AGBL4: variants seen among roughly 807,000 people sequenced by gnomAD.
AGBL4 encodes AGBL carboxypeptidase 4, also known as cytosolic carboxypeptidase 6.
A neutral mutation model predicts 66.4 loss-of-function variants in AGBL4; 58 were observed. The ratio of observed to expected loss-of-function variants is 0.87; its 90% CI spans 0.71 to 1.09. The LOEUF (loss-of-function observed/expected upper bound fraction) is 1.09. Among genes scored for constraint, AGBL4 ranks in the 50% least tolerant of loss-of-function variants. The probability of loss-of-function intolerance (pLI) is 0.00; values close to 1 mark genes in which losing one functional copy is unlikely to be tolerated. For missense variants in AGBL4, 579 were observed against 631.0 expected, an observed-to-expected ratio of 0.92 and a Z score of 0.88; for synonymous variants, 234 against 222.9, an observed-to-expected ratio of 1.05 and a Z score of -0.44.
chr1:48,744,111 A>G (rs1372715391), intron 6 of AGBL4, among the ~76,000 whole-genome samples: 1 of 152,196 alleles, frequency 6.6e-6, no homozygotes, highest in Non-Finnish European at 1.5e-5. Flanking sequence ...TTACAGATAT[A>G]GAACCTGGCA....
At chr1:49,497,501 C>A (rs2148756908) in intron 3 of AGBL4, among the ~76,000 whole-genome samples, 1 of 152,070 alleles carries the variant, frequency 6.6e-6, no homozygotes, top group South Asian at 2.1e-4. Context: ...TTTCTTCTAG[C>A]AGCTTTAAAA....
intron 3 of AGBL4, among the ~76,000 whole-genome samples, chr1:49,506,310 T>A (rs563548294): frequency 1.3e-5 from 2 of 152,036 alleles, no homozygotes; most frequent in African/African-American, 2.4e-5. Context: ...ATGTAACATA[T>A]AATAATAGCA....
chr1:48,717,467 AT>A (rs1030428520), intron 6 of AGBL4, among the ~76,000 whole-genome samples: 2 of 152,016 alleles, frequency 1.3e-5, no homozygotes, highest in African/African-American at 2.4e-5. Context: ...CCTCTAGTTC[AT>A]TTTTTTTGTT....
intron 4 of AGBL4, among the ~76,000 whole-genome samples, chr1:49,225,096 T>C (rs1346462341): frequency 2.6e-5 from 4 of 152,194 alleles, no homozygotes; most frequent in Non-Finnish European, 5.9e-5. Flanking sequence ...GTAAGACTCA[T>C]TATTGACTCC....
chr1:49,715,135 G>C (rs2124671049), intron 2 of AGBL4, among the ~76,000 whole-genome samples: 1 of 152,034 alleles, frequency 6.6e-6, no homozygotes, highest in South Asian at 2.1e-4. Flanking sequence ...GCCCCAACAG[G>C]CTCTGGTGTG....
chr1:49,220,294 C>T (rs1389451578), intron 4 of AGBL4, among the ~76,000 whole-genome samples: 1 of 152,094 alleles, frequency 6.6e-6, no homozygotes, highest in African/African-American at 2.4e-5. Flanking sequence ...AAATTGTTCC[C>T]CTGTTCAGGT....
At chr1:49,218,395 T>C (rs1419941056) in intron 4 of AGBL4, among the ~76,000 whole-genome samples, 2 of 152,042 alleles carry the variant, frequency 1.3e-5, no homozygotes, top group African/African-American at 4.8e-5. Context: ...TCAAAAGCAG[T>C]CCAGTAATCT....
At chr1:48,836,834 A>G (rs2148790981) in intron 6 of AGBL4, among the ~76,000 whole-genome samples, 1 of 152,190 alleles carries the variant, frequency 6.6e-6, no homozygotes, top group East Asian at 1.9e-4. Context: ...ACTTAGATTC[A>G]TTTATTAAAC....
chr1:49,188,627 G>A (rs1049093092), intron 4 of AGBL4, among the ~76,000 whole-genome samples: 4 of 152,136 alleles, frequency 2.6e-5, no homozygotes, highest in African/African-American at 9.7e-5. Flanking sequence ...TGGGTAGGTA[G>A]ATAAGGTGCT....
chr1:48,626,120 G>A (rs575421148), intron 9 of AGBL4, among the ~76,000 whole-genome samples: 10 of 152,254 alleles, frequency 6.6e-5, no homozygotes, highest in South Asian at 4.1e-4. Flanking sequence ...CCTGGGCCAC[G>A]TAGGTAGGAG....
At chr1:48,571,543 G>T (rs1459367150) in intron 11 of AGBL4, among the ~76,000 whole-genome samples, 1 of 152,218 alleles carries the variant, frequency 6.6e-6, no homozygotes, top group Non-Finnish European at 1.5e-5. Flanking sequence ...CACTCATGTT[G>T]GCATCTGCTG....
chr1:49,983,088 G>A (rs1659205405), intron 1 of AGBL4, among the ~76,000 whole-genome samples: 1 of 152,186 alleles, frequency 6.6e-6, no homozygotes, highest in Admixed American at 6.5e-5. Flanking sequence ...TCCTGGACAT[G>A]GGACAAGAAC....
intron 2 of AGBL4, among the ~76,000 whole-genome samples, chr1:49,716,586 A>G (rs1455855105): frequency 1.3e-5 from 2 of 152,018 alleles, no homozygotes; most frequent in African/African-American, 4.8e-5. Context: ...ATCACAATCA[A>G]GTTGGCTTCA....
At chr1:49,382,345 T>A (rs1644635863) in intron 3 of AGBL4, among the ~76,000 whole-genome samples, 1 of 152,054 alleles carries the variant, frequency 6.6e-6, no homozygotes, top group African/African-American at 2.4e-5. Context: ...AATACAAGGA[T>A]AGTTCAACAT....
intron 3 of AGBL4, among the ~76,000 whole-genome samples, chr1:49,626,532 G>A (rs910051947): frequency 3.3e-5 from 5 of 152,148 alleles, no homozygotes; most frequent in African/African-American, 1.2e-4. Flanking sequence ...TGGTAAGTAG[G>A]AGTCTATGCT....
At chr1:49,164,542 T>A (rs1057090222) in intron 4 of AGBL4, among the ~76,000 whole-genome samples, 3 of 152,072 alleles carry the variant, frequency 2.0e-5, no homozygotes, top group Non-Finnish European at 2.9e-5. Context: ...GAAAAAGAGA[T>A]CCCAAAGGTT....
intron 11 of AGBL4, among the ~76,000 whole-genome samples, chr1:48,566,957 T>C (rs1021586531): frequency 2.0e-5 from 3 of 152,190 alleles, no homozygotes; most frequent in Non-Finnish European, 4.4e-5. Context: ...GGAGATAAAC[T>C]GTCTCTACAA....
At chr1:49,603,409 C>T (rs1644999383) in intron 3 of AGBL4, among the ~76,000 whole-genome samples, 1 of 151,974 alleles carries the variant, frequency 6.6e-6, no homozygotes, top group African/African-American at 2.4e-5. Flanking sequence ...CCTGTAGTCC[C>T]AGCTACTCAG....
chr1:48,617,192 T>G (rs1198684135), intron 9 of AGBL4, among the ~76,000 whole-genome samples: 1 of 152,212 alleles, frequency 6.6e-6, no homozygotes, highest in African/African-American at 2.4e-5. Context: ...TTTTTATGAC[T>G]GTGACAACAC....
Sources: allele counts gnomAD v4.1 joint callset (sites outside exome capture counted in the v4.1 genomes callset), GRCh38; gene constraint gnomAD v4.1.1; transcripts MANE v1.5; gene names NCBI Gene and HGNC (gene_info 2026-07-23, HGNC 2026-07-21).